CA5B: variants seen among roughly 807,000 people sequenced by gnomAD.
CA5B encodes carbonic anhydrase 5B, mitochondrial.
In CA5B, 15 loss-of-function variants were observed where a neutral mutation model predicts 23.1. The observed-to-expected ratio is 0.65, with a 90% confidence interval of 0.43 to 1.00. CA5B has a LOEUF of 1.00. Ranked by LOEUF, CA5B falls within the 50% of genes least tolerant of loss-of-function variation. The pLI is 0.00. For missense variants in CA5B, 236 were observed against 252.2 expected, an observed-to-expected ratio of 0.94 and a Z score of 0.43; for synonymous variants, 84 against 98.5, an observed-to-expected ratio of 0.85 and a Z score of 0.87.
chrX:15,775,993 C>G lies in CA5B; in HGVS notation c.618+685C>G, dbSNP rs1254808970. On this transcript the variant is annotated intron_variant, in intron 6 of 7. Coordinates refer to ENST00000318636, the MANE Select transcript of CA5B (RefSeq NM_007220.4). ...CTTTTAGTTCAGGTTTCTGGCTCCT[C>G]CTGAGCTGCATTTCTTCTTAAAAGG... 4.7e-5 allele frequency: 35 copies of G among 750,914 alleles called. No homozygotes were observed. In the Admixed American group the frequency reaches 2.5e-3, roughly 54 times the overall value. The allele number at this position is 750,914 out of a possible 1,213,427, so 61.9% of individuals were successfully genotyped here.
At chrX:15,742,083 C>T (rs1388984557) in intron 1 of CA5B, among the ~76,000 whole-genome samples, 1 of 112,251 alleles carries the variant, frequency 8.9e-6, no homozygotes, top group African/African-American at 3.2e-5. Flanking sequence ...ACTGTCTCCC[C>T]TATCTCAGTT....
intron 1 of CA5B, among the ~76,000 whole-genome samples, chrX:15,747,925 C>T (rs1187784684): frequency 1.8e-5 from 2 of 110,726 alleles, no homozygotes; most frequent in African/African-American, 3.3e-5. Context: ...CTTTCTCTTG[C>T]GAGAGGAGAG....
chrX:15,776,804 C>G lies in CA5B; in HGVS notation c.709C>G (p.Pro237Ala), dbSNP rs1931940611. The change falls in exon 7 of 8, where the codon CCA becomes GCA. Residue 237 changes from proline (P) to alanine (A), a missense_variant. Pro to Ala is a conservative substitution (Grantham distance 27, BLOSUM62 -1). This residue lies in a region of CA5B where 170 missense variants were observed against 162.0 expected (regional missense o/e 1.05). Transcript: ENST00000318636. ...YWTYSGSLTT[P>A]PLSESVTWII... ...GACCTACTCAGGGTCTCTGACTACC[C>G]CACCCCTCTCCGAGTCTGTCACCTG... The G allele has an allele frequency of 8.3e-7, 1 of 1,208,362 alleles. No homozygotes were observed. The highest frequency in any genetic ancestry group is 1.8e-5 in the South Asian group (1 of 56,897).
intron 1 of CA5B, among the ~76,000 whole-genome samples, chrX:15,741,317 C>T (rs1931115413): frequency 9.6e-6 from 1 of 104,635 alleles, no homozygotes; most frequent in Admixed American, 1.0e-4. Flanking sequence ...ATCCACCCTC[C>T]TCGGCCTCCT....
chrX:15,759,734 C>CTTTTTT lies in CA5B; in HGVS notation c.143-4817_143-4812dup, dbSNP rs56915078. On this transcript the variant is annotated intron_variant, in intron 2 of 7. Transcript: ENST00000318636. ...CCCATCAGCTAGAAATTACTGACAC[C>CTTTTTT]TTTTTTTTTTTTTTTTTTTTTTTTT... is the stretch of plus-strand genomic sequence containing the variant. Among the ~76,000 whole-genome samples, 83 of 37,417 alleles carry CTTTTTT rather than the reference C, an allele frequency of 2.2e-3. 14 individuals are homozygous for CTTTTTT. The highest frequency in any genetic ancestry group is 9.6e-3 in the African/African-American group (73 of 7,628). The allele number at this position is 37,417 out of a possible 115,157, so 32.5% of individuals were successfully genotyped here.
chrX:15,788,335 A>G lies in CA5B; in HGVS notation c.*5671A>G, dbSNP rs112173984. The G allele has an allele frequency of 1.0e-3, 114 of 112,156 alleles. No individual in the cohort carries two copies. Among genetic ancestry groups the G allele is most frequent in the African/African-American group, 3.5e-3 (109 of 30,937 alleles). 9.2% of individuals were successfully genotyped at this position (112,156 alleles called of 1,213,427 possible). On this transcript the variant is annotated 3_prime_UTR_variant, in exon 8 of 8. Coordinates refer to ENST00000318636, the MANE Select transcript of CA5B (RefSeq NM_007220.4). Reference sequence around the variant, plus strand: ...AGCTAAAGTTTTGGAGGCATTCACTATTGCTAGGCACTGTATCAGCATATA... The same window carrying G: ...AGCTAAAGTTTTGGAGGCATTCACTGTTGCTAGGCACTGTATCAGCATATA...
chrX:15,776,620 TC>T (rs1931935875), intron 6 of CA5B, 93 bp from the exon 7 acceptor site: 2 of 688,562 alleles, frequency 2.9e-6, no homozygotes, highest in Non-Finnish European at 4.6e-6. Flanking sequence ...ACTGCTGATC[TC>T]CAGATACTCC....
At chrX:15,777,407 AT>A (rs1463018897) in intron 7 of CA5B, among the ~76,000 whole-genome samples, 3 of 111,941 alleles carry the variant, frequency 2.7e-5, no homozygotes, top group Non-Finnish European at 3.8e-5. Flanking sequence ...ATAAACTACA[AT>A]AATATTTACT....
intron 7 of CA5B, among the ~76,000 whole-genome samples, chrX:15,778,882 T>G (rs1054208548): frequency 9.1e-6 from 1 of 110,422 alleles, no homozygotes; most frequent in South Asian, 3.9e-4. Context: ...CACAGGGGGA[T>G]TACAATTCGA....
At chrX:15,742,670 C>T (rs1162514159) in intron 1 of CA5B, among the ~76,000 whole-genome samples, 2 of 112,954 alleles carry the variant, frequency 1.8e-5, no homozygotes, top group Non-Finnish European at 3.7e-5. Context: ...TGAGGCAACA[C>T]GCCCAGCCTG....
chrX:15,741,301 C>T (rs1931114882), intron 1 of CA5B, among the ~76,000 whole-genome samples: 1 of 103,212 alleles, frequency 9.7e-6, no homozygotes, highest in Non-Finnish European at 2.0e-5. Context: ...CTCCTGCCAT[C>T]AAGTGATCCA....
intron 1 of CA5B, among the ~76,000 whole-genome samples, chrX:15,747,864 T>C (rs1433097295): frequency 9.2e-6 from 1 of 108,153 alleles, no homozygotes; most frequent in East Asian, 2.9e-4. Flanking sequence ...ACACGTGGAG[T>C]TCAGGAGAGG....
intron 1 of CA5B, among the ~76,000 whole-genome samples, chrX:15,743,805 A>G (rs1396659709): frequency 8.9e-6 from 1 of 111,943 alleles, no homozygotes; most frequent in Non-Finnish European, 1.9e-5. Flanking sequence ...ACAAATATTA[A>G]TAGCAGACTT....
chrX:15,762,801 CTACCCATCCATGGTACTTCT>C (rs1241496762), intron 2 of CA5B: 1 of 369,355 alleles, frequency 2.7e-6, no homozygotes, highest in East Asian at 7.7e-5. Context: ...GTTCTTGATT[CTACCCATCCATGGTACTTCT>C]AAAGGACAGG....
chrX:15,760,682 T>C (rs1044126581), intron 2 of CA5B, among the ~76,000 whole-genome samples: 1 of 111,500 alleles, frequency 9.0e-6, no homozygotes, highest in African/African-American at 3.3e-5. Flanking sequence ...TTGAATGGCT[T>C]TGAAGAGTGT....
At chrX:15,744,761 C>G (rs1295224840) in intron 1 of CA5B, among the ~76,000 whole-genome samples, 1 of 111,228 alleles carries the variant, frequency 9.0e-6, no homozygotes, top group South Asian at 3.8e-4. Flanking sequence ...TAAATTGTCT[C>G]TCTCCTACAA....
rs764246380 is a variant in CA5B at position 15,777,783 on chromosome X, T to A, written c.774+914T>A. Among the ~76,000 whole-genome samples, 6 of 111,990 alleles carry A rather than the reference T, an allele frequency of 5.4e-5. No homozygotes were observed. The South Asian group carries it at 2.2e-3, about 41-fold the overall frequency. ...AAAATCACCATTCAGTTTTTGAAAA[T>A]TTTTAATAAAACAGAGCTGAATAGA... On this transcript the variant is annotated intron_variant, in intron 7 of 7. Transcript: ENST00000318636.
chrX:15,748,918 C>T (rs971173036), intron 1 of CA5B, among the ~76,000 whole-genome samples: 6 of 110,998 alleles, frequency 5.4e-5, no homozygotes, highest in African/African-American at 1.3e-4. Flanking sequence ...CTGCACAGGT[C>T]GGAGGGAAAG....
At chrX:15,750,826 C>T (rs981699302) in intron 2 of CA5B, among the ~76,000 whole-genome samples, 26 of 111,705 alleles carry the variant, frequency 2.3e-4, no homozygotes, top group Admixed American at 6.7e-4. Context: ...TGCCCATGTC[C>T]GGATGTGGCA....
Sources: gnomAD v4.1 joint callset for allele counts (sites outside exome capture counted in the v4.1 genomes callset) on GRCh38, gnomAD v4.1.1 for gene constraint, gnomAD v4.1.1 regional missense constraint, MANE v1.5 for transcripts, NCBI Gene and HGNC (gene_info 2026-07-23, HGNC 2026-07-21) for gene names.